Variants in OTUD7A observed in about 807,000 individuals in gnomAD.
OTUD7A encodes OTU deubiquitinase 7A.
In OTUD7A, 12 loss-of-function variants were observed where a neutral mutation model predicts 65.7. The observed-to-expected ratio is 0.18, with a 90% CI of 0.12 to 0.30. The LOEUF (loss-of-function observed/expected upper bound fraction) is 0.30. Among genes scored for constraint, OTUD7A ranks in the 10% least tolerant of loss-of-function variants. OTUD7A has a pLI of 1.00. For synonymous variants in OTUD7A, 641 were observed against 586.3 expected, an observed-to-expected ratio of 1.09 and a Z score of -1.35; for missense variants, 1,148 against 1,304.8, an observed-to-expected ratio of 0.88 and a Z score of 1.85.
At chr15:31,734,453 C>T (rs1415401125) in intron 1 of OTUD7A, among the ~76,000 whole-genome samples, 1 of 152,178 alleles carries the variant, frequency 6.6e-6, no homozygotes, top group Non-Finnish European at 1.5e-5. Context: ...CCAAGATAAT[C>T]ATAAGCAAAA....
chr15:31,554,015 T>G (rs1417770990), intron 5 of OTUD7A, among the ~76,000 whole-genome samples: 1 of 152,074 alleles, frequency 6.6e-6, no homozygotes, highest in African/African-American at 2.4e-5. Flanking sequence ...TGCCCTCCTT[T>G]CCAAATCCTC....
intron 1 of OTUD7A, among the ~76,000 whole-genome samples, chr15:31,859,517 G>A (rs1385298820): frequency 1.3e-5 from 2 of 152,300 alleles, no homozygotes; most frequent in East Asian, 3.9e-4. Flanking sequence ...AGTTCACCTT[G>A]CAGATGTCTT....
At chr15:31,569,500 A>G (rs1402529026) in intron 4 of OTUD7A, among the ~76,000 whole-genome samples, 1 of 152,264 alleles carries the variant, frequency 6.6e-6, no homozygotes, top group Admixed American at 6.5e-5. Flanking sequence ...CCAGAATGTT[A>G]TCAGCCGTCA....
intron 1 of OTUD7A, among the ~76,000 whole-genome samples, chr15:31,663,246 AACACAC>A (rs531313199): frequency 0.037 from 5,192 of 140,612 alleles, 173 homozygotes; most frequent in African/African-American, 0.094. Flanking sequence ...TCTTGGGCTA[AACACAC>A]ACACACACAC....
At chr15:31,742,715 T>A (rs1191805084) in intron 1 of OTUD7A, among the ~76,000 whole-genome samples, 1 of 152,120 alleles carries the variant, frequency 6.6e-6, no homozygotes, top group Non-Finnish European at 1.5e-5. Context: ...CCGAATAGAC[T>A]TTATTTACAG....
intron 1 of OTUD7A, among the ~76,000 whole-genome samples, chr15:31,753,721 T>TATATATATTATATATATATATATAA (rs879561188): frequency 1.9e-5 from 2 of 106,778 alleles, no homozygotes; most frequent in African/African-American, 1.0e-4. Flanking sequence ...TATATATATA[T>TATATATATTATATATATATATATAA]TATATATATA....
At chr15:31,800,948 C>G (rs1214565031) in intron 1 of OTUD7A, among the ~76,000 whole-genome samples, 1 of 151,476 alleles carries the variant, frequency 6.6e-6, no homozygotes, top group Non-Finnish European at 1.5e-5. Flanking sequence ...GAGGCATGCT[C>G]TCAGGGTCTC....
In OTUD7A at chr15:31,768,220, T is replaced by C. The variant is rs966360410; in HGVS notation, c.-100+102287A>G. The C allele has an allele frequency of 3.2e-5, 31 of 965,334 alleles. No homozygotes were observed. The African/African-American group carries it at 4.5e-4, about 14-fold the overall frequency. The allele number at this position is 965,334 out of a possible 1,614,324, so 59.8% of individuals were successfully genotyped here. On this transcript the variant is annotated intron_variant, in intron 1 of 12. Transcript: ENST00000307050. Reference sequence around the variant, plus strand: ...TCTCCACAGGTCTGTCAGCGTCCGGTGGCATCCATGGCAGTGTAGGTGACA... The same window carrying C: ...TCTCCACAGGTCTGTCAGCGTCCGGCGGCATCCATGGCAGTGTAGGTGACA...
intron 3 of OTUD7A, among the ~76,000 whole-genome samples, chr15:31,638,765 G>C (rs1383133224): frequency 2.0e-5 from 3 of 152,036 alleles, no homozygotes; most frequent in African/African-American, 7.2e-5. Flanking sequence ...ATTTATTGCA[G>C]TGGTCTGGAA....
chr15:31,797,625 C>G (rs548567146), intron 1 of OTUD7A, among the ~76,000 whole-genome samples: 13 of 152,228 alleles, frequency 8.5e-5, no homozygotes, highest in Non-Finnish European at 1.6e-4. Context: ...CAGGTGACAC[C>G]TGCAAATCGC....
chr15:31,770,422 T>C (rs981788172), intron 1 of OTUD7A, among the ~76,000 whole-genome samples: 1 of 152,198 alleles, frequency 6.6e-6, no homozygotes, highest in East Asian at 1.9e-4. Context: ...ATTAAGCTGG[T>C]AACAATACTC....
intron 1 of OTUD7A, among the ~76,000 whole-genome samples, chr15:31,776,526 A>G (rs1252906592): frequency 6.6e-6 from 1 of 152,138 alleles, no homozygotes; most frequent in East Asian, 1.9e-4. Context: ...CCCTGTCCTA[A>G]TAAGGTTCAC....
At chr15:31,813,506 A>C (rs1896473487) in intron 1 of OTUD7A, among the ~76,000 whole-genome samples, 1 of 152,176 alleles carries the variant, frequency 6.6e-6, no homozygotes, top group African/African-American at 2.4e-5. Context: ...GGGTCTGATA[A>C]ATGTGTGGGG....
At chr15:31,616,932 C>T (rs7178914) in intron 3 of OTUD7A, among the ~76,000 whole-genome samples, 43,636 of 152,002 alleles carry the variant, frequency 0.29, 7,393 homozygotes, top group African/African-American at 0.47. Context: ...ATCTGTCCTG[C>T]CATGGAAAGA....
At chr15:31,767,880 G>A in intron 1 of OTUD7A, 1 of 1,337,334 alleles carries the variant, frequency 7.5e-7, no homozygotes, top group South Asian at 1.2e-5. Context: ...GTTTTAAGTG[G>A]CAACGTTGCA....
chr15:31,830,799 A>T (rs1182441203), intron 1 of OTUD7A, among the ~76,000 whole-genome samples: 1 of 152,230 alleles, frequency 6.6e-6, no homozygotes, highest in East Asian at 1.9e-4. Context: ...AGTCATCACC[A>T]TCACTCAGTG....
intron 3 of OTUD7A, among the ~76,000 whole-genome samples, chr15:31,584,666 A>C (rs973352334): frequency 6.6e-6 from 1 of 152,190 alleles, no homozygotes. Context: ...ATCTGAAGAA[A>C]GTACATAGGA....
intron 1 of OTUD7A, among the ~76,000 whole-genome samples, chr15:31,672,942 A>C (rs1892516639): frequency 6.6e-6 from 1 of 152,202 alleles, no homozygotes; most frequent in Non-Finnish European, 1.5e-5. Flanking sequence ...TGGCATATAG[A>C]ATTCTTCCAG....
At chr15:31,592,965 A>ATATG (rs1353833329) in intron 3 of OTUD7A, among the ~76,000 whole-genome samples, 9 of 66,930 alleles carry the variant, frequency 1.3e-4, no homozygotes, top group African/African-American at 1.3e-3. Flanking sequence ...ATATATATGT[A>ATATG]TATATATATA....
Sources: gnomAD v4.1 joint callset for allele counts (sites outside exome capture counted in the v4.1 genomes callset) on GRCh38, gnomAD v4.1.1 for gene constraint, MANE v1.5 for transcripts, NCBI Gene and HGNC (gene_info 2026-07-23, HGNC 2026-07-21) for gene names.